KCNK3: variants seen among roughly 807,000 people sequenced by gnomAD.
KCNK3 encodes the protein potassium channel subfamily K member 3.
A neutral mutation model predicts 27.3 loss-of-function variants in KCNK3; 9 were observed. The observed-to-expected ratio is 0.33, with a 90% CI of 0.20 to 0.57. KCNK3 has a LOEUF of 0.57. KCNK3 is among the 20% of genes least tolerant of loss of function. The pLI is 0.87. For missense variants in KCNK3, 391 were observed against 577.7 expected (o/e 0.68, Z 3.31); for synonymous variants, 278 against 273.8 (o/e 1.02, Z -0.15).
At chr2:26,710,920 G>A (rs1663100089) in intron 1 of KCNK3, among the ~76,000 whole-genome samples, 1 of 152,200 alleles carries the variant, frequency 6.6e-6, no homozygotes, top group Admixed American at 6.5e-5. Flanking sequence ...TTCTCCCCTG[G>A]TTTATTTTTA....
At position 26,721,835 on chromosome 2, in the gene KCNK3, A is replaced by G. The variant is rs1663333461; in HGVS notation, c.284-5832A>G. ...TCCACCTTCCCTCAGGACAAACATT[A>G]GCCCAGCCATTGCCTATTTACATTA... is the stretch of plus-strand genomic sequence containing the variant. On this transcript the variant is annotated intron_variant, in intron 1 of 1. Transcript: ENST00000302909. The surrounding 1 kb of genome is among the most constrained non-coding windows in gnomAD (Gnocchi z 4.3). Among the ~76,000 whole-genome samples the G allele has an allele frequency of 6.6e-6, 1 of 152,232 alleles. No homozygotes were observed. The highest frequency in any genetic ancestry group is 6.5e-5 in the Admixed American group (1 of 15,290).
chr2:26,707,182 G>A (rs976805419), intron 1 of KCNK3, among the ~76,000 whole-genome samples: 50 of 152,290 alleles, frequency 3.3e-4, no homozygotes, highest in African/African-American at 1.1e-3. Flanking sequence ...TCAGCACAGC[G>A]AGTCCACTGC....
intron 1 of KCNK3, among the ~76,000 whole-genome samples, chr2:26,705,360 C>T (rs969522475): frequency 9.2e-5 from 14 of 152,110 alleles, no homozygotes; most frequent in African/African-American, 2.4e-4. Context: ...TGGCAGAACA[C>T]GGATATGTTA....
chr2:26,707,835 G>A (rs1670394293), intron 1 of KCNK3, among the ~76,000 whole-genome samples: 1 of 152,234 alleles, frequency 6.6e-6, no homozygotes, highest in East Asian at 1.9e-4. Flanking sequence ...CAGGGTGCAG[G>A]GGAGATGGGC....
At chr2:26,709,814 C>A (rs912372208) in intron 1 of KCNK3, among the ~76,000 whole-genome samples, 2 of 152,148 alleles carry the variant, frequency 1.3e-5, no homozygotes, top group African/African-American at 4.8e-5. Flanking sequence ...AGGCGATGGG[C>A]GCAGGGCTAC....
intron 1 of KCNK3, among the ~76,000 whole-genome samples, chr2:26,713,320 C>T (rs1017071546): frequency 6.6e-6 from 1 of 152,086 alleles, no homozygotes; most frequent in African/African-American, 2.4e-5. Flanking sequence ...ACAGATGGGA[C>T]CAGAAATGGT....
At chr2:26,698,468 A>G (rs1670262329) in intron 1 of KCNK3, among the ~76,000 whole-genome samples, 1 of 152,128 alleles carries the variant, frequency 6.6e-6, no homozygotes, top group Non-Finnish European at 1.5e-5. Context: ...GGATAATAAT[A>G]TCTGCCTGCC....
At chr2:26,698,159 C>T (rs116408176) in intron 1 of KCNK3, among the ~76,000 whole-genome samples, 2,177 of 152,224 alleles carry the variant, frequency 0.014, 30 homozygotes, top group Middle Eastern at 0.051. Context: ...GGCAGCTCAT[C>T]ACTCCATTGT....
Position 26,728,546 on chromosome 2 carries a change from T to C in KCNK3, c.1163T>C (p.Met388Thr), listed in dbSNP as rs1663476006. 1 of 1,463,822 alleles carries C rather than the reference T, an allele frequency of 6.8e-7. No homozygotes were observed. Among genetic ancestry groups the C allele is most frequent in the South Asian group, 1.4e-5 (1 of 69,112 alleles). 90.7% of individuals were successfully genotyped at this position (1,463,822 alleles called of 1,614,324 possible). ...AGCCTGTCCACCTTCCGCGGCCTCATGAAGCGCAGGAGCTCCGTGTGACTG... is the reference window on the plus strand; with the variant it reads ...AGCCTGTCCACCTTCCGCGGCCTCACGAAGCGCAGGAGCTCCGTGTGACTG... ...LHSLSTFRGL[M>T]KRRSSV The change falls in exon 2 of 2, where the codon ATG becomes ACG. Residue 388 changes from methionine (M) to threonine (T), a missense_variant. This residue lies in a region of KCNK3 where 192 missense variants were observed against 196.0 expected (regional missense o/e 0.98). Transcript: ENST00000302909.
chr2:26,701,806 G>A (rs1489113912), intron 1 of KCNK3, among the ~76,000 whole-genome samples: 1 of 152,156 alleles, frequency 6.6e-6, no homozygotes, highest in African/African-American at 2.4e-5. Context: ...GAGGCGTGGT[G>A]GCGCATGCCT....
Position 26,692,852 on chromosome 2 carries a change from G to A in KCNK3, c.-24G>A, listed in dbSNP as rs1670186740. The A allele has an allele frequency of 4.1e-6, 5 of 1,209,974 alleles. No individual in the cohort carries two copies. In the East Asian group the frequency reaches 1.3e-4, roughly 32 times the overall value. 75.0% of individuals were successfully genotyped at this position (1,209,974 alleles called of 1,614,324 possible). ...AGGCGCGGGCCGGGGGCGCCGGGGGGCCGGCGGCGGCCCGGGCGGGACGAT... is the reference window on the plus strand; with the variant it reads ...AGGCGCGGGCCGGGGGCGCCGGGGGACCGGCGGCGGCCCGGGCGGGACGAT... On this transcript the variant is annotated 5_prime_UTR_variant, in exon 1 of 2. Transcript: ENST00000302909. The surrounding 1 kb of genome is among the most constrained non-coding windows in gnomAD (Gnocchi z 5.6).
chr2:26,709,346 G>A (rs1558598404), intron 1 of KCNK3, among the ~76,000 whole-genome samples: 1 of 152,186 alleles, frequency 6.6e-6, no homozygotes, highest in South Asian at 2.1e-4. Flanking sequence ...CTGGCAAGAA[G>A]AGCAGAGCGC....
chr2:26,720,068 G>A (rs182705028), intron 1 of KCNK3, among the ~76,000 whole-genome samples: 3 of 152,292 alleles, frequency 2.0e-5, no homozygotes, highest in Non-Finnish European at 4.4e-5. Context: ...TTTGAGACCA[G>A]CCTGGCCAAT....
chr2:26,699,050 C>T (rs745888484), intron 1 of KCNK3, among the ~76,000 whole-genome samples: 2 of 151,864 alleles, frequency 1.3e-5, no homozygotes, highest in South Asian at 2.1e-4. Context: ...TGGTAGCACA[C>T]GCCTGTGATC....
intron 1 of KCNK3, among the ~76,000 whole-genome samples, chr2:26,722,098 G>T (rs927512465): frequency 6.6e-6 from 1 of 152,190 alleles, no homozygotes; most frequent in African/African-American, 2.4e-5. Context: ...TCAAGGAAGT[G>T]GGAAGACAGG....
chr2:26,699,255 C>CAAAGAAAGAA (rs1228423650), intron 1 of KCNK3, among the ~76,000 whole-genome samples: 13 of 106,506 alleles, frequency 1.2e-4, no homozygotes, highest in Admixed American at 6.2e-4. Context: ...GAAAGAAAGC[C>CAAAGAAAGAA]AGCCAAGGAG....
rs139688190 is a variant in KCNK3 at position 26,700,967 on chromosome 2, C to T, written c.283+7809C>T. 4.5e-4 allele frequency among the ~76,000 whole-genome samples: 68 copies of T among 152,276 alleles called. 1 individual carries two copies. The East Asian group carries it at 0.012, about 26-fold the overall frequency. ...GTTCTCTAAGTCAATACTTCTCAAACTGTAATGTGCAGGGAATAACCTGGT... is the reference window on the plus strand; with the variant it reads ...GTTCTCTAAGTCAATACTTCTCAAATTGTAATGTGCAGGGAATAACCTGGT... On this transcript the variant is annotated intron_variant, in intron 1 of 1. Coordinates refer to ENST00000302909, the MANE Select transcript of KCNK3 (RefSeq NM_002246.3).
chr2:26,693,502 C>T lies in KCNK3; in HGVS notation c.283+344C>T, dbSNP rs1210794593. 6.6e-6 allele frequency among the ~76,000 whole-genome samples: 1 copy of T among 152,186 alleles called. No homozygotes were observed. The highest frequency in any genetic ancestry group is 1.5e-5 in the Non-Finnish European group (1 of 68,024). On this transcript the variant is annotated intron_variant, in intron 1 of 1. Coordinates refer to ENST00000302909, the MANE Select transcript of KCNK3 (RefSeq NM_002246.3). The surrounding 1 kb of genome is among the most constrained non-coding windows in gnomAD (Gnocchi z 5.5). Reference sequence around the variant, plus strand: ...GGGTGTGGCCGGGCCAGGCCCTGAACAGGGCGCTGAGAGTGAGCGGCGGGA... The same window carrying T: ...GGGTGTGGCCGGGCCAGGCCCTGAATAGGGCGCTGAGAGTGAGCGGCGGGA...
At chr2:26,724,645 C>T (rs1394491166) in intron 1 of KCNK3, 1 of 984,608 alleles carries the variant, frequency 1.0e-6, no homozygotes, top group Non-Finnish European at 1.2e-6. Flanking sequence ...AGAGGAGGCA[C>T]ATCTAGGCCA....
Sources: allele counts gnomAD v4.1 joint callset (sites outside exome capture counted in the v4.1 genomes callset), GRCh38; gene constraint gnomAD v4.1.1; regional missense constraint gnomAD v4.1.1; non-coding constraint Gnocchi (gnomAD v3.1); transcripts MANE v1.5; gene names NCBI Gene and HGNC (gene_info 2026-07-23, HGNC 2026-07-21).